COL25A1: variants seen among roughly 807,000 people sequenced by gnomAD.
The protein encoded by COL25A1 is collagen type XXV alpha 1 chain, also known as collagen alpha-1(XXV) chain.
COL25A1 carries 103 observed loss-of-function variants against 128.4 expected under a neutral mutation model. The ratio of observed to expected loss-of-function variants is 0.80; its 90% CI spans 0.68 to 0.94. COL25A1 has a LOEUF of 0.94. Ranked by LOEUF, COL25A1 falls within the 40% of genes least tolerant of loss-of-function variation. COL25A1 has a pLI of 0.00. For synonymous variants in COL25A1, 279 were observed against 277.2 expected, an observed-to-expected ratio of 1.01 and a Z score of -0.06; for missense variants, 745 against 840.0, an observed-to-expected ratio of 0.89 and a Z score of 1.40.
chr4:109,276,464 G>C (rs900839526), intron 3 of COL25A1, among the ~76,000 whole-genome samples: 1 of 151,680 alleles, frequency 6.6e-6, no homozygotes, highest in Non-Finnish European at 1.5e-5. Context: ...CACAGTACTT[G>C]CCATAGTAGG....
At chr4:109,198,145 T>G (rs1430447462) in intron 3 of COL25A1, among the ~76,000 whole-genome samples, 1 of 152,172 alleles carries the variant, frequency 6.6e-6, no homozygotes, top group Non-Finnish European at 1.5e-5. Flanking sequence ...GATGAGCGTG[T>G]GGCTCTGGCC....
At chr4:109,020,317 T>C (rs1757606752) in intron 5 of COL25A1, among the ~76,000 whole-genome samples, 1 of 152,196 alleles carries the variant, frequency 6.6e-6, no homozygotes, top group Non-Finnish European at 1.5e-5. Flanking sequence ...TAATATTACT[T>C]AGATAAGAAT....
At chr4:109,164,095 C>T (rs924647037) in intron 3 of COL25A1, among the ~76,000 whole-genome samples, 1 of 151,964 alleles carries the variant, frequency 6.6e-6, no homozygotes, top group African/African-American at 2.4e-5. Context: ...ATTCAACAAA[C>T]TCTGCTTGCT....
intron 6 of COL25A1, among the ~76,000 whole-genome samples, chr4:108,975,972 T>A (rs1449957261): frequency 6.6e-6 from 1 of 152,174 alleles, no homozygotes; most frequent in Non-Finnish European, 1.5e-5. Context: ...ATATATTTAC[T>A]GCAAATATGT....
At chr4:109,011,657 T>C (rs771569360) in intron 5 of COL25A1, among the ~76,000 whole-genome samples, 10 of 152,234 alleles carry the variant, frequency 6.6e-5, no homozygotes, top group South Asian at 2.1e-4. Context: ...ACAACTTATA[T>C]AAATTTATAG....
At chr4:109,061,235 C>A (rs748520649) in intron 3 of COL25A1, among the ~76,000 whole-genome samples, 1 of 152,140 alleles carries the variant, frequency 6.6e-6, no homozygotes, top group Non-Finnish European at 1.5e-5. Flanking sequence ...ATCCTTTCTC[C>A]TTTGCCATGT....
chr4:108,951,950 T>C (rs956077825), intron 8 of COL25A1, among the ~76,000 whole-genome samples: 1 of 152,258 alleles, frequency 6.6e-6, no homozygotes, highest in Non-Finnish European at 1.5e-5. Flanking sequence ...ACTTGACTAA[T>C]AAGAGTTTTA....
At chr4:108,840,367 A>AC (rs897516442) in intron 31 of COL25A1, among the ~76,000 whole-genome samples, 5 of 151,284 alleles carry the variant, frequency 3.3e-5, no homozygotes, top group African/African-American at 9.7e-5. Flanking sequence ...CTCTCTTCTG[A>AC]CCCCCCCTCC....
intron 9 of COL25A1, among the ~76,000 whole-genome samples, chr4:108,941,046 T>A (rs970895476): frequency 6.6e-6 from 1 of 152,246 alleles, no homozygotes; most frequent in Non-Finnish European, 1.5e-5. Context: ...ATTAAGCATA[T>A]GAGGCTCCCA....
At chr4:109,107,181 A>C (rs3113713) in intron 3 of COL25A1, among the ~76,000 whole-genome samples, 1 of 152,182 alleles carries the variant, frequency 6.6e-6, no homozygotes, top group Non-Finnish European at 1.5e-5. Context: ...TTAGACAAAA[A>C]GTAATATTAA....
intron 16 of COL25A1, among the ~76,000 whole-genome samples, chr4:108,894,186 G>C (rs893038533): frequency 2.0e-5 from 3 of 151,994 alleles, no homozygotes; most frequent in Non-Finnish European, 2.9e-5. Context: ...TCTTTTCAAA[G>C]AAAAAAGCTG....
At chr4:108,974,138 G>T (rs1752194830) in intron 8 of COL25A1, among the ~76,000 whole-genome samples, 1 of 152,148 alleles carries the variant, frequency 6.6e-6, no homozygotes, top group South Asian at 2.1e-4. Context: ...TACTCAATAT[G>T]TCTAATTATT....
At chr4:109,269,209 C>T (rs574564440) in intron 3 of COL25A1, among the ~76,000 whole-genome samples, 1 of 151,590 alleles carries the variant, frequency 6.6e-6, no homozygotes, top group Non-Finnish European at 1.5e-5. Context: ...TGCGATAGTT[C>T]ACTGAGAATG....
At chr4:109,169,337 G>A (rs990831495) in intron 3 of COL25A1, among the ~76,000 whole-genome samples, 2 of 152,142 alleles carry the variant, frequency 1.3e-5, no homozygotes, top group Non-Finnish European at 2.9e-5. Context: ...GATTAACAAA[G>A]TTGTCATGGT....
At chr4:109,042,209 A>G (rs1462233777) in intron 5 of COL25A1, among the ~76,000 whole-genome samples, 1 of 152,144 alleles carries the variant, frequency 6.6e-6, no homozygotes. Flanking sequence ...GCATTAAAAC[A>G]GATTGCCACT....
chr4:109,214,074 G>A (rs1173321008), intron 3 of COL25A1, among the ~76,000 whole-genome samples: 1 of 151,926 alleles, frequency 6.6e-6, no homozygotes, highest in Non-Finnish European at 1.5e-5. Context: ...TGTAACCAAT[G>A]ACATCTATTG....
Position 109,075,562 on chromosome 4 carries a change from C to A in COL25A1, c.368-25383G>T, listed in dbSNP as rs1384443395. Among the ~76,000 whole-genome samples, 3 of 152,112 alleles carry A rather than the reference C, an allele frequency of 2.0e-5. No homozygotes were observed. In the East Asian group the frequency reaches 5.8e-4, roughly 29 times the overall value. On this transcript the variant is annotated intron_variant, in intron 3 of 37. Transcript: ENST00000399132. ...AACTTTATTTTTTAACCTATTAGAT[C>A]TTCTCACAAAATTTTGGGAGAGTAC...
intron 11 of COL25A1, among the ~76,000 whole-genome samples, chr4:108,937,530 C>G (rs1399919550): frequency 1.3e-5 from 2 of 152,136 alleles, no homozygotes; most frequent in Non-Finnish European, 2.9e-5. Flanking sequence ...TTTAATCTCT[C>G]TTACAGCAGA....
At chr4:108,933,843 A>G (rs1171027385) in intron 11 of COL25A1, among the ~76,000 whole-genome samples, 2 of 110,584 alleles carry the variant, frequency 1.8e-5, no homozygotes, top group East Asian at 4.0e-4. Flanking sequence ...CCAGATTTCA[A>G]GTTCACAGAC....
Sources: allele counts gnomAD v4.1 joint callset (sites outside exome capture counted in the v4.1 genomes callset), GRCh38; gene constraint gnomAD v4.1.1; transcripts MANE v1.5; gene names NCBI Gene and HGNC (gene_info 2026-07-23, HGNC 2026-07-21).